ERI1: variants seen among roughly 807,000 people sequenced by gnomAD.
ERI1 encodes exoribonuclease 1.
ERI1 carries 39 observed loss-of-function variants against 39.7 expected under a neutral mutation model. The observed-to-expected ratio is 0.98, with a 90% confidence interval of 0.76 to 1.28. The LOEUF is 1.28. ERI1 is among the 50% of genes most tolerant of loss of function. The probability of loss-of-function intolerance (pLI) is 0.00; values close to 1 mark genes in which losing one functional copy is unlikely to be tolerated. For missense variants in ERI1, 581 were observed against 416.9 expected, an observed-to-expected ratio of 1.39 and a Z score of -3.43; for synonymous variants, 204 against 149.6, an observed-to-expected ratio of 1.36 and a Z score of -2.65.
At chr8:9,097,702 G>A (rs1799920949) in intron 3 of ERI1, among the ~76,000 whole-genome samples, 1 of 148,844 alleles carries the variant, frequency 6.7e-6, no homozygotes. Context: ...TTATCATTTA[G>A]TAGGCAGTTA....
At chr8:9,023,186 T>C (rs918146381) in intron 6 of ERI1, among the ~76,000 whole-genome samples, 2 of 152,144 alleles carry the variant, frequency 1.3e-5, no homozygotes, top group East Asian at 3.9e-4. Context: ...TTCTTTTTCT[T>C]CCCTAGCAGT....
intron 6 of ERI1, among the ~76,000 whole-genome samples, chr8:9,027,780 C>G (rs570938709): frequency 3.9e-5 from 6 of 152,256 alleles, no homozygotes; most frequent in Admixed American, 1.3e-4. Flanking sequence ...AAGTTTATTT[C>G]TAGACTCTCT....
intron 3 of ERI1, among the ~76,000 whole-genome samples, chr8:9,089,609 T>TA (rs1300281384): frequency 6.6e-6 from 1 of 152,214 alleles, no homozygotes; most frequent in Non-Finnish European, 1.5e-5. Context: ...CTCCTGGCTC[T>TA]ACCTTCAGAA....
chr8:9,066,479 G>T (rs1028642042), intron 3 of ERI1, among the ~76,000 whole-genome samples: 9 of 152,146 alleles, frequency 5.9e-5, no homozygotes, highest in African/African-American at 2.2e-4. Flanking sequence ...GATGACTTTT[G>T]AACTCACCAA....
intron 3 of ERI1, among the ~76,000 whole-genome samples, chr8:9,083,724 T>C (rs1799437727): frequency 6.6e-6 from 1 of 151,206 alleles, no homozygotes; most frequent in African/African-American, 2.4e-5. Flanking sequence ...GAGGCTGAGG[T>C]GGGAGAATTG....
Position 9,029,835 on chromosome 8 carries a change from T to A in ERI1, c.851T>A (p.Leu284Ter). 2 of 1,614,126 alleles carry A rather than the reference T, an allele frequency of 1.2e-6. No homozygotes were observed. Among genetic ancestry groups the A allele is most frequent in the Non-Finnish European group, 1.7e-6 (2 of 1,180,028 alleles). Residue 284 changes from leucine to a stop codon, truncating the protein, a stop_gained, in exon 7 of 7, where the codon TTA (leucine) becomes TAA (stop). Coordinates refer to ENST00000250263, the MANE Select transcript of ERI1 (RefSeq NM_153332.4). LOFTEE classifies it high-confidence loss of function. The stretch of plus-strand genomic sequence containing the variant: ...AAACTGACAATAATGCTTGAAAAAT[T>A]AGGAATGGATTATGATGGGCGGCCT... The part of the protein sequence containing the change: ...QTKLTIMLEK[L>*]GMDYDGRPHC...
chr8:9,077,632 G>A (rs546753357), intron 3 of ERI1, among the ~76,000 whole-genome samples: 7 of 152,200 alleles, frequency 4.6e-5, no homozygotes, highest in African/African-American at 1.4e-4. Flanking sequence ...AAGTGTCTCA[G>A]GCAGCAGACC....
downstream of ERI1, among the ~76,000 whole-genome samples, chr8:9,036,781 A>G (rs1274606365): frequency 6.6e-6 from 1 of 152,136 alleles, no homozygotes; most frequent in Admixed American, 6.5e-5. Flanking sequence ...ATCACTGGTG[A>G]TGGCAGATTG....
intron 3 of ERI1, among the ~76,000 whole-genome samples, chr8:9,073,164 C>A (rs1377888773): frequency 6.6e-6 from 1 of 152,224 alleles, no homozygotes; most frequent in African/African-American, 2.4e-5. Context: ...TATCACCTGG[C>A]CTCATGCCTT....
chr8:9,091,570 C>G (rs1289859429), intron 3 of ERI1: 2 of 151,876 alleles, frequency 1.3e-5, no homozygotes, highest in Non-Finnish European at 2.9e-5. Context: ...AAATGTTTTG[C>G]TTATTTTGCA....
chr8:9,021,011 A>T (rs913026760), intron 6 of ERI1, among the ~76,000 whole-genome samples: 1 of 152,020 alleles, frequency 6.6e-6, no homozygotes, highest in African/African-American at 2.4e-5. Context: ...GATCTATTGA[A>T]TTCCTGCCCT....
chr8:9,080,152 T>C (rs901240008), intron 3 of ERI1, among the ~76,000 whole-genome samples: 9 of 152,200 alleles, frequency 5.9e-5, no homozygotes, highest in African/African-American at 2.2e-4. Context: ...TAGGTTATTT[T>C]ACAGCGACTT....
chr8:9,091,727 G>A (rs1157394435), intron 3 of ERI1, among the ~76,000 whole-genome samples: 1 of 152,142 alleles, frequency 6.6e-6, no homozygotes, highest in Non-Finnish European at 1.5e-5. Context: ...TGTCTGGTTA[G>A]CATATGACAG....
intron 3 of ERI1, among the ~76,000 whole-genome samples, chr8:9,093,817 T>G (rs747979739): frequency 1.3e-5 from 2 of 152,156 alleles, no homozygotes; most frequent in Non-Finnish European, 2.9e-5. Flanking sequence ...CCTCAGACGA[T>G]CCACTCGCCT....
chr8:9,008,279 A>T (rs1816260947), intron 2 of ERI1, 131 bp downstream of exon 2: 1 of 794,890 alleles, frequency 1.3e-6, no homozygotes, highest in African/African-American at 1.8e-5. Context: ...AGTTCACAAA[A>T]ACTAATTAAC....
intron 2 of ERI1, chr8:9,009,002 C>T (rs966940987): frequency 6.6e-6 from 3 of 456,140 alleles, no homozygotes; most frequent in Non-Finnish European, 1.3e-5. Flanking sequence ...ATTTTTGACT[C>T]CTATTTCCCC....
intron 6 of ERI1, among the ~76,000 whole-genome samples, chr8:9,027,558 A>T (rs555022772): frequency 1.3e-4 from 20 of 152,244 alleles, no homozygotes; most frequent in African/African-American, 4.8e-4. Flanking sequence ...TGTCCAATCC[A>T]TTGTCATAAA....
intron 3 of ERI1, among the ~76,000 whole-genome samples, chr8:9,050,472 A>G (rs545487513): frequency 1.3e-5 from 2 of 149,790 alleles, no homozygotes; most frequent in African/African-American, 4.9e-5. Context: ...GTGCCATTAC[A>G]CTCCAGCCTG....
chr8:9,016,546 A>AT, intron 4 of ERI1, 141 bp downstream of exon 4: 12 of 415,242 alleles, frequency 2.9e-5, no homozygotes, highest in Admixed American at 4.4e-5. Flanking sequence ...TGTTGTAATA[A>AT]TTAAAAAAAA....
Sources: allele counts gnomAD v4.1 joint callset (sites outside exome capture counted in the v4.1 genomes callset), GRCh38; gene constraint gnomAD v4.1.1; transcripts MANE v1.5; gene names NCBI Gene and HGNC (gene_info 2026-07-23, HGNC 2026-07-21).